The following CYP39A1 variants were observed in gnomAD, a reference collection of about 807,000 sequenced individuals.
CYP39A1 encodes the protein 24-hydroxycholesterol 7-alpha-hydroxylase.
In CYP39A1, 49 loss-of-function variants were observed where a neutral mutation model predicts 58.1. The ratio of observed to expected loss-of-function variants is 0.84; its 90% CI spans 0.67 to 1.07. CYP39A1 has a LOEUF of 1.07. Among genes scored for constraint, CYP39A1 ranks in the 50% least tolerant of loss-of-function variants. The pLI is 0.00. For missense variants in CYP39A1, 531 were observed against 539.4 expected, an observed-to-expected ratio of 0.98 and a Z score of 0.16; for synonymous variants, 209 against 187.6, an observed-to-expected ratio of 1.11 and a Z score of -0.93.
intron 7 of CYP39A1, among the ~76,000 whole-genome samples, chr6:46,608,972 G>A (rs995886719): frequency 2.0e-5 from 3 of 151,986 alleles, no homozygotes; most frequent in Admixed American, 1.3e-4. Flanking sequence ...TTACAGATTT[G>A]TGGGAATTTT....
At chr6:46,587,281 G>T in intron 9 of CYP39A1, 116 bp from the exon 10 acceptor site, 1 of 718,492 alleles carries the variant, frequency 1.4e-6, no homozygotes, top group East Asian at 2.7e-5. Context: ...AAGTTGCAGG[G>T]TTGTTGGTAA....
intron 8 of CYP39A1, among the ~76,000 whole-genome samples, chr6:46,591,707 G>T (rs1197140916): frequency 1.3e-5 from 2 of 151,924 alleles, no homozygotes; most frequent in Non-Finnish European, 2.9e-5. Flanking sequence ...AAACCAAAAA[G>T]TTTGAGAACT....
chr6:46,638,104 G>T, intron 3 of CYP39A1, 126 bp from the exon 4 acceptor site: 1 of 930,610 alleles, frequency 1.1e-6, no homozygotes, highest in Non-Finnish European at 1.5e-6. Context: ...GATTCTCTTG[G>T]GAAAAAGTCA....
chr6:46,652,624 A>G lies in CYP39A1; in HGVS notation c.-42T>C. 1 of 1,510,612 alleles carries G rather than the reference A, an allele frequency of 6.6e-7. No homozygotes were observed. The allele number at this position is 1,510,612 out of a possible 1,614,324, so 93.6% of individuals were successfully genotyped here. ...TTCCAGAAGCAGAAAAGTGTGAAAC[A>G]GTCCTGCCGTCCCTTGCTTCTTTTC... On this transcript the variant is annotated 5_prime_UTR_variant, in exon 1 of 12. Coordinates refer to ENST00000275016, the MANE Select transcript of CYP39A1 (RefSeq NM_016593.5).
chr6:46,550,735 G>A (rs1307493225), intron 11 of CYP39A1, among the ~76,000 whole-genome samples: 1 of 152,128 alleles, frequency 6.6e-6, no homozygotes, highest in Non-Finnish European at 1.5e-5. Flanking sequence ...CCACAAATAA[G>A]GCTCTTTCTA....
intron 11 of CYP39A1, among the ~76,000 whole-genome samples, chr6:46,553,190 C>T (rs1478423766): frequency 1.3e-5 from 2 of 152,016 alleles, no homozygotes; most frequent in Non-Finnish European, 2.9e-5. Context: ...TCTAACAAGC[C>T]CTACTAGTGA....
At chr6:46,568,661 A>G (rs1771419999) in intron 10 of CYP39A1, among the ~76,000 whole-genome samples, 1 of 152,040 alleles carries the variant, frequency 6.6e-6, no homozygotes, top group African/African-American at 2.4e-5. Context: ...TTTCCCATGG[A>G]ATGGTCTTAG....
chr6:46,556,956 A>G (rs1770693631), intron 10 of CYP39A1, among the ~76,000 whole-genome samples: 1 of 152,168 alleles, frequency 6.6e-6, no homozygotes, highest in African/African-American at 2.4e-5. Context: ...TATACTCCAC[A>G]GGTTCATAAA....
At chr6:46,587,952 C>T (rs1396204302) in intron 9 of CYP39A1, 82 bp downstream of exon 9, 3 of 779,516 alleles carry the variant, frequency 3.8e-6, no homozygotes, top group Non-Finnish European at 6.0e-6. Context: ...TTATATAGTC[C>T]TAATTAATTT....
intron 7 of CYP39A1, among the ~76,000 whole-genome samples, chr6:46,607,284 C>T (rs1401908936): frequency 6.6e-6 from 1 of 151,652 alleles, no homozygotes; most frequent in Non-Finnish European, 1.5e-5. Context: ...GAAATTTCAA[C>T]TAAGCCTGGA....
chr6:46,596,605 C>T (rs1055485429), intron 7 of CYP39A1, among the ~76,000 whole-genome samples: 8 of 151,296 alleles, frequency 5.3e-5, no homozygotes, highest in Non-Finnish European at 8.8e-5. Flanking sequence ...AAAAAAACAA[C>T]TGGAAAAGGG....
In CYP39A1 at chr6:46,553,718, T is replaced by A. The variant is rs996885359; in HGVS notation, c.1338+49A>T. 5 of 1,260,976 alleles carry A rather than the reference T, an allele frequency of 4.0e-6. No individual in the cohort carries two copies. The Admixed American group carries it at 5.2e-5, about 13-fold the overall frequency. 78.1% of individuals were successfully genotyped at this position (1,260,976 alleles called of 1,614,324 possible). On this transcript the variant is annotated intron_variant, in intron 11 of 11. Coordinates refer to ENST00000275016, the MANE Select transcript of CYP39A1 (RefSeq NM_016593.5). Reference sequence around the variant, plus strand: ...AAATTGGGGGAAGTGGGGGTGGTTATGTCATATTTATAAGTAGTCATGATA... The same window carrying A: ...AAATTGGGGGAAGTGGGGGTGGTTAAGTCATATTTATAAGTAGTCATGATA...
chr6:46,564,122 TTTATTCTATTTTATTCTATTC>T (rs1161340651), intron 10 of CYP39A1, among the ~76,000 whole-genome samples: 8,446 of 145,128 alleles, frequency 0.058, 881 homozygotes, highest in African/African-American at 0.18. Flanking sequence ...TTTATTCTAT[TTTATTCTATTTTATTCTATTC>T]TATTTTATTC....
intron 10 of CYP39A1, among the ~76,000 whole-genome samples, chr6:46,580,326 C>A (rs1772060335): frequency 6.6e-6 from 1 of 152,140 alleles, no homozygotes; most frequent in Non-Finnish European, 1.5e-5. Flanking sequence ...AACTGGACCC[C>A]TTCCTTTCAC....
intron 10 of CYP39A1, among the ~76,000 whole-genome samples, chr6:46,556,969 T>C (rs1216424628): frequency 2.0e-5 from 3 of 151,982 alleles, no homozygotes; most frequent in African/African-American, 4.8e-5. Flanking sequence ...TTCATAAAGG[T>C]AGAAAAGAAC....
chr6:46,622,887 C>T (rs916369805), intron 7 of CYP39A1, among the ~76,000 whole-genome samples: 1 of 152,138 alleles, frequency 6.6e-6, no homozygotes, highest in African/African-American at 2.4e-5. Context: ...AGGCAGCTAT[C>T]AAGATAGTTC....
intron 7 of CYP39A1, among the ~76,000 whole-genome samples, chr6:46,621,094 T>C (rs1774929530): frequency 6.6e-6 from 1 of 152,110 alleles, no homozygotes. Context: ...TGAATGTGTA[T>C]CACTTTCACA....
chr6:46,638,487 T>C (rs2150592425), intron 3 of CYP39A1, among the ~76,000 whole-genome samples: 1 of 152,326 alleles, frequency 6.6e-6, no homozygotes, highest in African/African-American at 2.4e-5. Flanking sequence ...GAGAATAAAG[T>C]GATTACTGTA....
In CYP39A1 at chr6:46,597,439, C is replaced by T. The variant is rs73467302; in HGVS notation, c.932-1319G>A. Among the ~76,000 whole-genome samples, 728 of 152,078 alleles carry T rather than the reference C, an allele frequency of 4.8e-3. 6 individuals carry two copies. The highest frequency in any genetic ancestry group is 0.017 in the African/African-American group (689 of 41,502). On this transcript the variant is annotated intron_variant, in intron 7 of 11. Transcript: ENST00000275016. ...GGTTCACAGCTAAGGTAGTTTAAAG[C>T]AGATAGGGTTCACATCCAACTAGAT...
Sources: gnomAD v4.1 joint callset for allele counts (sites outside exome capture counted in the v4.1 genomes callset) on GRCh38, gnomAD v4.1.1 for gene constraint, MANE v1.5 for transcripts, NCBI Gene and HGNC (gene_info 2026-07-23, HGNC 2026-07-21) for gene names.